PHEX: variants seen among roughly 807,000 people sequenced by gnomAD.
PHEX encodes the protein phosphate regulating endopeptidase X-linked.
Under a neutral mutation model 68.0 loss-of-function variants are expected in PHEX, and 16 were observed. The ratio of observed to expected loss-of-function variants is 0.24; its 90% CI spans 0.16 to 0.36. The LOEUF (loss-of-function observed/expected upper bound fraction) is 0.36, where lower values mean the gene tolerates loss of function less well. Ranked by LOEUF, PHEX falls within the 10% of genes least tolerant of loss-of-function variation. The pLI, the probability that PHEX is intolerant of heterozygous loss-of-function variation, is 1.00. For synonymous variants in PHEX, 208 were observed against 205.1 expected (o/e 1.01, Z -0.12); for missense variants, 480 against 575.5 (o/e 0.83, Z 1.70).
At chrX:22,207,435 T>C (rs1934746314) in intron 15 of PHEX, among the ~76,000 whole-genome samples, 1 of 111,787 alleles carries the variant, frequency 8.9e-6, no homozygotes, top group South Asian at 3.7e-4. Flanking sequence ...ACACACACAC[T>C]TCTTTTTTTT....
intron 12 of PHEX, among the ~76,000 whole-genome samples, chrX:22,136,769 C>G (rs944489973): frequency 3.6e-5 from 4 of 111,659 alleles, no homozygotes; most frequent in African/African-American, 1.3e-4. Context: ...GTACTCTTTG[C>G]TAGGGGTGTT....
At chrX:22,220,834 T>C (rs1216321381) in intron 17 of PHEX, among the ~76,000 whole-genome samples, 2 of 112,193 alleles carry the variant, frequency 1.8e-5, no homozygotes, top group Admixed American at 1.9e-4. Context: ...AAGCTCTCTG[T>C]ATAATTAAAT....
chrX:22,144,332 T>C (rs1374998577), intron 12 of PHEX, among the ~76,000 whole-genome samples: 1 of 111,782 alleles, frequency 8.9e-6, no homozygotes, highest in African/African-American at 3.3e-5. Context: ...TTGTTTTCTT[T>C]GGGGCAGAGG....
chrX:22,248,045 G>A lies in PHEX; in HGVS notation c.*92G>A, dbSNP rs1486849947. On this transcript the variant is annotated 3_prime_UTR_variant, in exon 22 of 22. Coordinates refer to ENST00000379374, the MANE Select transcript of PHEX (RefSeq NM_000444.6). ...CATCGCCCATTGCTTTAGGCCTGGAGACTTTCATTTTTAGTGCATTTTCAT... is the reference window on the plus strand; with the variant it reads ...CATCGCCCATTGCTTTAGGCCTGGAAACTTTCATTTTTAGTGCATTTTCAT... The A allele has an allele frequency of 1.9e-5, 12 of 635,737 alleles. No individual in the cohort carries two copies. The East Asian group carries it at 4.0e-4, about 21-fold the overall frequency. 52.4% of individuals were successfully genotyped at this position (635,737 alleles called of 1,213,427 possible). A position where few individuals can be genotyped will look rare whatever the true frequency, so the allele number is the denominator to read the frequency against.
At chrX:22,184,433 C>T (rs1400386172) in intron 14 of PHEX, among the ~76,000 whole-genome samples, 2 of 111,240 alleles carry the variant, frequency 1.8e-5, no homozygotes, top group African/African-American at 6.5e-5. Context: ...ATTATATTTT[C>T]ACAAAGCCCT....
chrX:22,102,618 G>A (rs756511702), intron 9 of PHEX, among the ~76,000 whole-genome samples: 1 of 112,220 alleles, frequency 8.9e-6, no homozygotes, highest in Non-Finnish European at 1.9e-5. Flanking sequence ...ACAAGGAGGT[G>A]ACATATGAAT....
At chrX:22,105,434 G>A (rs1196231086) in intron 9 of PHEX, among the ~76,000 whole-genome samples, 1 of 112,000 alleles carries the variant, frequency 8.9e-6, no homozygotes, top group Non-Finnish European at 1.9e-5. Flanking sequence ...CAGCAGGTCT[G>A]GCGGTAAGGC....
At chrX:22,076,498 A>G in intron 4 of PHEX, 24 bp downstream of exon 4, 1 of 989,328 alleles carries the variant, frequency 1.0e-6, no homozygotes, top group Non-Finnish European at 1.4e-6. Flanking sequence ...AAAACTAAAT[A>G]AAATATTTAC....
chrX:22,158,457 A>G (rs5904614), intron 12 of PHEX, among the ~76,000 whole-genome samples: 50,640 of 110,662 alleles, frequency 0.46, 8,489 homozygotes, highest in East Asian at 0.77. Context: ...AAAAGAAAAA[A>G]TATGCTGAGA....
At chrX:22,133,004 A>G (rs1006251085) in intron 11 of PHEX, among the ~76,000 whole-genome samples, 1 of 110,445 alleles carries the variant, frequency 9.1e-6, no homozygotes, top group Non-Finnish European at 1.9e-5. Flanking sequence ...CTCTCACTTC[A>G]GCCTCCTGAG....
intron 12 of PHEX, among the ~76,000 whole-genome samples, chrX:22,151,570 G>T (rs1891889340): frequency 9.0e-6 from 1 of 111,275 alleles, no homozygotes; most frequent in Admixed American, 9.6e-5. Flanking sequence ...TCTCAGCATG[G>T]TTTTGGCTGG....
intron 6 of PHEX, among the ~76,000 whole-genome samples, chrX:22,092,749 C>CT (rs370527485): frequency 0.05 from 3,880 of 77,801 alleles, 176 homozygotes; most frequent in Non-Finnish European, 0.07. Context: ...TTCTTTCTTT[C>CT]TTTTTTTTTT....
chrX:22,223,480 C>T (rs1228620349), intron 18 of PHEX, among the ~76,000 whole-genome samples: 3 of 111,802 alleles, frequency 2.7e-5, no homozygotes, highest in Non-Finnish European at 5.6e-5. Context: ...CATGGTGACT[C>T]ATGCCTGTAT....
At chrX:22,218,761 A>AATC (rs1204949997) in intron 16 of PHEX, among the ~76,000 whole-genome samples, 2 of 112,338 alleles carry the variant, frequency 1.8e-5, no homozygotes, top group African/African-American at 6.5e-5. Context: ...GGACTTTAGA[A>AATC]ATCATCTCTT....
chrX:22,144,863 T>G (rs1342507082), intron 12 of PHEX, among the ~76,000 whole-genome samples: 2 of 111,662 alleles, frequency 1.8e-5, no homozygotes. Context: ...TCTCCATCCA[T>G]GAAATTTATT....
chrX:22,032,927 G>C lies in PHEX; in HGVS notation c.-79G>C, dbSNP rs932851909. The C allele has an allele frequency of 3.3e-5, 24 of 726,040 alleles. No individual in the cohort carries two copies. The highest frequency in any genetic ancestry group is 4.6e-5 in the Non-Finnish European group (21 of 452,631). The allele number at this position is 726,040 out of a possible 1,213,427, so 59.8% of individuals were successfully genotyped here. A position where few individuals can be genotyped will look rare whatever the true frequency, so the allele number is the denominator to read the frequency against. Reference sequence around the variant, plus strand: ...GTAGAAGAGCAAGAAAGCCTTGGATGTCAACGCCTCGCTCTTGAGACCAGC... The same window carrying C: ...GTAGAAGAGCAAGAAAGCCTTGGATCTCAACGCCTCGCTCTTGAGACCAGC... On this transcript the variant is annotated 5_prime_UTR_variant, in exon 1 of 22. The change abolishes an upstream ATG in the 5' untranslated region. Coordinates refer to ENST00000379374, the MANE Select transcript of PHEX (RefSeq NM_000444.6).
chrX:22,227,201 T>C (rs1393887862), intron 19 of PHEX, among the ~76,000 whole-genome samples: 1 of 112,536 alleles, frequency 8.9e-6, no homozygotes, highest in Non-Finnish European at 1.9e-5. Flanking sequence ...CATAGGGGCC[T>C]TGCCATTGTG....
chrX:22,048,467 TACACACACATGTGC>T (rs1467455113), intron 3 of PHEX, among the ~76,000 whole-genome samples: 1 of 111,590 alleles, frequency 9.0e-6, no homozygotes, highest in Non-Finnish European at 1.9e-5. Context: ...GACAGATGTG[TACACACACATGTGC>T]ACACACACAC....
intron 2 of PHEX, among the ~76,000 whole-genome samples, chrX:22,042,523 G>C (rs914779123): frequency 8.9e-6 from 1 of 112,470 alleles, no homozygotes; most frequent in Non-Finnish European, 1.9e-5. Context: ...GGTGGCTCTC[G>C]CCTGCCACCC....
Sources: allele counts gnomAD v4.1 joint callset (sites outside exome capture counted in the v4.1 genomes callset), GRCh38; gene constraint gnomAD v4.1.1; transcripts MANE v1.5; gene names NCBI Gene and HGNC (gene_info 2026-07-23, HGNC 2026-07-21).